Variants in MSRA observed in about 807,000 individuals in gnomAD.
MSRA encodes the protein methionine sulfoxide reductase A.
A neutral mutation model predicts 31.3 loss-of-function variants in MSRA; 54 were observed. That is an observed-to-expected ratio of 1.73 (90% CI 1.39 to 2.17). The LOEUF is 2.17. MSRA is among the 30% of genes most tolerant of loss of function. The probability of loss-of-function intolerance (pLI) is 0.00; values close to 1 mark genes in which losing one functional copy is unlikely to be tolerated. For missense variants in MSRA, 507 were observed against 300.9 expected (o/e 1.69, Z -5.07); for synonymous variants, 169 against 116.5 (o/e 1.45, Z -2.90).
Position 10,092,266 on chromosome 8 carries a change from G to A in MSRA, c.142+37608G>A, listed in dbSNP as rs549084481. Among the ~76,000 whole-genome samples the A allele has an allele frequency of 9.2e-5, 14 of 151,750 alleles. No individual in the cohort carries two copies. In the East Asian group the frequency reaches 2.7e-3, roughly 30 times the overall value. On this transcript the variant is annotated intron_variant, in intron 1 of 5. Transcript: ENST00000317173. The stretch of plus-strand genomic sequence containing the variant: ...TGAGTTCTACTTTTATTCCATTGTG[G>A]TTGGAAAACACACTTTGACTTAATC...
intron 5 of MSRA, among the ~76,000 whole-genome samples, chr8:10,390,382 A>G (rs1162682798): frequency 6.6e-6 from 1 of 152,118 alleles, no homozygotes; most frequent in East Asian, 1.9e-4. Context: ...CGTGGTCGCC[A>G]GTTGAGAACC....
At chr8:10,229,836 AGAG>A (rs1811314680) in intron 2 of MSRA, among the ~76,000 whole-genome samples, 1 of 152,158 alleles carries the variant, frequency 6.6e-6, no homozygotes, top group Admixed American at 6.5e-5. Context: ...GGAATTTGGA[AGAG>A]GAAAGGGAGA....
At chr8:10,336,728 T>G (rs1436790372) in intron 5 of MSRA, 1 of 152,226 alleles carries the variant, frequency 6.6e-6, no homozygotes, top group East Asian at 1.9e-4. Flanking sequence ...ATTCATACAT[T>G]AGAGATAGGT....
chr8:10,100,125 T>TA (rs1159961515), intron 1 of MSRA, among the ~76,000 whole-genome samples: 6 of 152,160 alleles, frequency 3.9e-5, no homozygotes, highest in Non-Finnish European at 8.8e-5. Context: ...GATCCTGGGT[T>TA]AGACTGCAAT....
chr8:10,282,031 G>A (rs1191736314), intron 3 of MSRA, among the ~76,000 whole-genome samples: 6 of 152,190 alleles, frequency 3.9e-5, no homozygotes, highest in Admixed American at 6.5e-5. Flanking sequence ...AACAGGGTGG[G>A]TTCTTCCAGA....
At chr8:10,416,388 C>T (rs1358608830) in intron 5 of MSRA, among the ~76,000 whole-genome samples, 4 of 152,222 alleles carry the variant, frequency 2.6e-5, no homozygotes, top group Non-Finnish European at 4.4e-5. Context: ...CCCGGGAAAG[C>T]CCAGGAAAAC....
chr8:10,055,043 C>G (rs2128908898), intron 1 of MSRA, among the ~76,000 whole-genome samples: 1 of 152,328 alleles, frequency 6.6e-6, no homozygotes, highest in Non-Finnish European at 1.5e-5. Flanking sequence ...GTCTCCTCTG[C>G]GCCGGCCGCC....
intron 3 of MSRA, among the ~76,000 whole-genome samples, chr8:10,253,890 C>A (rs779472841): frequency 3.3e-5 from 5 of 151,796 alleles, no homozygotes; most frequent in Admixed American, 1.3e-4. Flanking sequence ...ATATCTGGGT[C>A]AATTACTGGC....
At chr8:10,093,910 T>G (rs975481256) in intron 1 of MSRA, among the ~76,000 whole-genome samples, 6 of 152,232 alleles carry the variant, frequency 3.9e-5, no homozygotes, top group African/African-American at 1.4e-4. Context: ...TATTTTCCTT[T>G]CAGCTCTTTG....
intron 3 of MSRA, among the ~76,000 whole-genome samples, chr8:10,286,617 C>T (rs1236175481): frequency 6.6e-6 from 1 of 152,228 alleles, no homozygotes; most frequent in Non-Finnish European, 1.5e-5. Flanking sequence ...ATACTGTCTC[C>T]ATTAAACCAG....
chr8:10,407,128 CG>C (rs1807867720), intron 5 of MSRA, among the ~76,000 whole-genome samples: 1 of 152,234 alleles, frequency 6.6e-6, no homozygotes, highest in Non-Finnish European at 1.5e-5. Context: ...CTTCCCGCCT[CG>C]GCCTTCTAAA....
chr8:10,223,376 A>G (rs1810697245), intron 2 of MSRA, among the ~76,000 whole-genome samples: 1 of 152,244 alleles, frequency 6.6e-6, no homozygotes, highest in Non-Finnish European at 1.5e-5. Context: ...GATTTAGAAT[A>G]TGAAATCAGT....
intron 1 of MSRA, among the ~76,000 whole-genome samples, chr8:10,099,587 C>A (rs560390836): frequency 1.3e-5 from 2 of 152,158 alleles, no homozygotes; most frequent in African/African-American, 4.8e-5. Flanking sequence ...GAGTGGCGAA[C>A]CAGAGTATTA....
intron 5 of MSRA, chr8:10,337,841 T>C: frequency 1.4e-6 from 1 of 702,106 alleles, no homozygotes. Context: ...AGGTGCCTTC[T>C]TTCTGCTAAA....
At chr8:10,288,498 T>A (rs142748253) in intron 3 of MSRA, among the ~76,000 whole-genome samples, 13 of 152,268 alleles carry the variant, frequency 8.5e-5, no homozygotes, top group Non-Finnish European at 1.6e-4. Context: ...CAGTTGCTTG[T>A]TGTGTTGGCA....
intron 5 of MSRA, among the ~76,000 whole-genome samples, chr8:10,375,499 C>T (rs761959519): frequency 1.6e-4 from 25 of 152,150 alleles, no homozygotes; most frequent in Non-Finnish European, 3.5e-4. Flanking sequence ...GTGGGTGCCT[C>T]GAGAAGAACA....
intron 5 of MSRA, among the ~76,000 whole-genome samples, chr8:10,400,195 TG>T (rs1807365035): frequency 6.6e-6 from 1 of 151,474 alleles, no homozygotes; most frequent in South Asian, 2.1e-4. Flanking sequence ...GGAGGAATTG[TG>T]GAGGCCAGGC....
At chr8:10,397,802 G>C (rs1051006645) in intron 5 of MSRA, among the ~76,000 whole-genome samples, 1 of 152,154 alleles carries the variant, frequency 6.6e-6, no homozygotes, top group Admixed American at 6.5e-5. Context: ...AGAACATTCT[G>C]TTTTCTCATA....
chr8:10,264,392 T>C (rs1220432208), intron 3 of MSRA, among the ~76,000 whole-genome samples: 1 of 152,262 alleles, frequency 6.6e-6, no homozygotes, highest in African/African-American at 2.4e-5. Flanking sequence ...TTTTAAATGA[T>C]TGCAAGATAT....
Sources: gnomAD v4.1 joint callset for allele counts (sites outside exome capture counted in the v4.1 genomes callset) on GRCh38, gnomAD v4.1.1 for gene constraint, MANE v1.5 for transcripts, NCBI Gene and HGNC (gene_info 2026-07-23, HGNC 2026-07-21) for gene names.